Variants in MYO16 observed in about 807,000 individuals in gnomAD.
MYO16 encodes myosin XVI, also known as unconventional myosin-XVI.
A neutral mutation model predicts 205.3 loss-of-function variants in MYO16; 94 were observed. The ratio of observed to expected loss-of-function variants is 0.46; its 90% CI spans 0.39 to 0.54. The LOEUF is 0.54. MYO16 is among the 20% of genes least tolerant of loss of function. The pLI is 0.00. For missense variants in MYO16, 2,315 were observed against 2,387.5 expected, an observed-to-expected ratio of 0.97 and a Z score of 0.63; for synonymous variants, 988 against 954.0, an observed-to-expected ratio of 1.04 and a Z score of -0.66.
At chr13:108,835,517 G>C (rs1876866341) in intron 9 of MYO16, among the ~76,000 whole-genome samples, 1 of 152,206 alleles carries the variant, frequency 6.6e-6, no homozygotes, top group African/African-American at 2.4e-5. Context: ...CTGCTGTAAA[G>C]ATTCCCAAAA....
intron 16 of MYO16, among the ~76,000 whole-genome samples, chr13:108,917,218 C>G (rs971742542): frequency 6.6e-6 from 1 of 151,854 alleles, no homozygotes; most frequent in Non-Finnish European, 1.5e-5. Flanking sequence ...GTCTCTCTGC[C>G]AAAAGGCCAT....
Position 108,957,806 on chromosome 13 carries a change from C to T in MYO16, c.2037+7C>T. The T allele has an allele frequency of 6.3e-7, 1 of 1,594,022 alleles. No individual in the cohort carries two copies. Among genetic ancestry groups the T allele is most frequent in the Non-Finnish European group, 8.6e-7 (1 of 1,162,198 alleles). ...AGTTGGCTTCAGCAGCTTGGTGAGTCATGTCATAAATATTTCACTGAGAAA... is the reference window on the plus strand; with the variant it reads ...AGTTGGCTTCAGCAGCTTGGTGAGTTATGTCATAAATATTTCACTGAGAAA... On this transcript the variant is annotated splice_region_variant and intron_variant, in intron 17 of 34. Coordinates refer to ENST00000457511, the MANE Select transcript of MYO16 (RefSeq NM_001198950.3).
intron 2 of MYO16, among the ~76,000 whole-genome samples, chr13:108,703,599 T>C (rs907067916): frequency 1.3e-5 from 2 of 152,096 alleles, no homozygotes; most frequent in Non-Finnish European, 2.9e-5. Flanking sequence ...AGCAGAACAC[T>C]CCTTCTTCTG....
chr13:109,038,738 A>G (rs1183812381), intron 23 of MYO16, among the ~76,000 whole-genome samples: 1 of 152,142 alleles, frequency 6.6e-6, no homozygotes, highest in African/African-American at 2.4e-5. Flanking sequence ...TTTTTTTTAG[A>G]ATCAAATTTG....
intron 4 of MYO16, among the ~76,000 whole-genome samples, chr13:108,743,547 G>T (rs1276432239): frequency 6.6e-6 from 1 of 152,186 alleles, no homozygotes; most frequent in African/African-American, 2.4e-5. Flanking sequence ...TGCTGAGTGA[G>T]GCTCAGCAGT....
chr13:108,635,709 A>C (rs1880195146), intron 1 of MYO16, among the ~76,000 whole-genome samples: 1 of 152,102 alleles, frequency 6.6e-6, no homozygotes, highest in South Asian at 2.1e-4. Context: ...CATGTTGGTC[A>C]GGCTGGTCTC....
chr13:109,157,178 T>C lies in MYO16; in HGVS notation c.5165-7723T>C, dbSNP rs549227534. 4.1e-5 allele frequency among the ~76,000 whole-genome samples: 6 copies of C among 148,006 alleles called. No homozygotes were observed. The East Asian group carries it at 1.2e-3, about 30-fold the overall frequency. ...CCCCAGCCTCTCCCCTGACTCTCTT[T>C]CTACTTCTAATCTCTCCTCAAGGTC... On this transcript the variant is annotated intron_variant, in intron 32 of 34. Transcript: ENST00000457511.
chr13:108,594,777 T>C (rs749000048), upstream of MYO16, among the ~76,000 whole-genome samples: 1 of 152,218 alleles, frequency 6.6e-6, no homozygotes, highest in Non-Finnish European at 1.5e-5. Context: ...ACAGGTCTTG[T>C]ACCATTGCCT....
At chr13:108,624,878 T>A (rs764285657), upstream of MYO16, among the ~76,000 whole-genome samples, 2 of 152,096 alleles carry the variant, frequency 1.3e-5, no homozygotes, top group East Asian at 3.8e-4. Flanking sequence ...ATTATATTAA[T>A]CTATATTGTA....
At chr13:108,496,553 C>T in the MYO16 span, among the ~76,000 whole-genome samples, 1 of 152,146 alleles carries the variant, frequency 6.6e-6, no homozygotes, top group African/African-American at 2.4e-5. Flanking sequence ...ACCCGGGGGG[C>T]GTCGAGCCTC....
chr13:108,674,571 C>T (rs1882123128), intron 2 of MYO16, among the ~76,000 whole-genome samples: 1 of 152,200 alleles, frequency 6.6e-6, no homozygotes, highest in African/African-American at 2.4e-5. Flanking sequence ...ATGCGATGCT[C>T]TATAAGCGGA....
the MYO16 span, among the ~76,000 whole-genome samples, chr13:108,561,581 C>A: frequency 2.0e-5 from 3 of 152,182 alleles, no homozygotes; most frequent in Non-Finnish European, 1.5e-5. Flanking sequence ...CATTCTGTGC[C>A]TTAACCTAAA....
At chr13:108,637,430 C>T (rs2139370416) in intron 1 of MYO16, among the ~76,000 whole-genome samples, 1 of 152,336 alleles carries the variant, frequency 6.6e-6, no homozygotes, top group Middle Eastern at 3.4e-3. Context: ...GCCACAGTAA[C>T]TTAACTGATA....
chr13:109,065,675 A>G (rs754988196), intron 27 of MYO16: 19 of 396,534 alleles, frequency 4.8e-5, no homozygotes, highest in South Asian at 1.4e-4. Context: ...TTTGTTTCCA[A>G]TGGTCATGAA....
chr13:108,666,065 C>A lies in MYO16; in HGVS notation c.208C>A (p.Leu70Met), dbSNP rs1489619757. The change falls in exon 2 of 35, where the codon CTG becomes ATG. Residue 70 changes from leucine to methionine, a missense_variant. Physicochemically the swap from Leu to Met is conservative, Grantham distance 15 (BLOSUM62 2). This residue lies in a region of MYO16 where 1,213 missense variants were observed against 1,274.4 expected (regional missense o/e 0.95). Transcript: ENST00000457511. The stretch of plus-strand genomic sequence containing the variant: ...GAAGCAGGAAGGGTTCCTGAAAAGG[C>A]TGAAGCATGCGAAGAATCCGAAAGT... The part of the protein sequence containing the change: ...FQKQEGFLKR[L>M]KHAKNPKVHF... 6.2e-7 allele frequency: 1 copy of A among 1,614,104 alleles called. No homozygotes were observed. Among genetic ancestry groups the A allele is most frequent in the Admixed American group, 1.7e-5 (1 of 60,002 alleles).
In MYO16 at chr13:109,140,994, G is replaced by C. The variant is rs865918578; in HGVS notation, c.4782G>C (p.Thr1594=). 2.2e-6 allele frequency: 3 copies of C among 1,336,946 alleles called. No individual in the cohort carries two copies. The highest frequency in any genetic ancestry group is 2.9e-6 in the Non-Finnish European group (3 of 1,042,416). The allele number at this position is 1,336,946 out of a possible 1,614,324, so 82.8% of individuals were successfully genotyped here. The part of the protein sequence containing the change: ...NGSGRASPPS[T]PPPPPPPPGP... ...CCGGCCGAGCCTCCCCGCCGTCCAC[G>C]CCGCCCCCGCCCCCGCCCCCGCCCG... Residue 1594 remains threonine (T), a synonymous_variant, in exon 32 of 35, where the codon ACG becomes ACC. Transcript: ENST00000457511. This position sits in a 1 kb window ranked among gnomAD's most constrained non-coding sequence, Gnocchi z 8.0.
At chr13:108,667,207 G>A (rs542634257) in intron 2 of MYO16, among the ~76,000 whole-genome samples, 1 of 151,878 alleles carries the variant, frequency 6.6e-6, no homozygotes, top group Non-Finnish European at 1.5e-5. Flanking sequence ...AAAACCTATA[G>A]CACATTATAT....
chr13:108,996,768 A>G (rs1039324970), intron 21 of MYO16, among the ~76,000 whole-genome samples: 2 of 152,238 alleles, frequency 1.3e-5, no homozygotes, highest in South Asian at 2.1e-4. Flanking sequence ...TTTTTAATCA[A>G]TGAGAAAAAT....
chr13:109,119,004 C>T (rs887770389), intron 28 of MYO16, among the ~76,000 whole-genome samples: 13 of 152,262 alleles, frequency 8.5e-5, no homozygotes, highest in Non-Finnish European at 1.9e-4. Flanking sequence ...AACTAATTAG[C>T]CTGACTGTCA....
Sources: gnomAD v4.1 joint callset for allele counts (sites outside exome capture counted in the v4.1 genomes callset) on GRCh38, gnomAD v4.1.1 for gene constraint, gnomAD v4.1.1 regional missense constraint, Gnocchi (gnomAD v3.1) non-coding constraint, MANE v1.5 for transcripts, NCBI Gene and HGNC (gene_info 2026-07-23, HGNC 2026-07-21) for gene names.